The following ERC1 variants were observed in gnomAD, a reference collection of about 807,000 sequenced individuals.
ERC1 encodes the protein RAB6 interacting protein 2.
A neutral mutation model predicts 132.0 loss-of-function variants in ERC1; 56 were observed. That is an observed-to-expected ratio of 0.42 (90% CI 0.34 to 0.53). The LOEUF is 0.53. Among genes scored for constraint, ERC1 ranks in the 20% least tolerant of loss-of-function variants. ERC1 has a pLI of 0.03. For missense variants in ERC1, 1,202 were observed against 1,349.9 expected, an observed-to-expected ratio of 0.89 and a Z score of 1.72; for synonymous variants, 478 against 476.1, an observed-to-expected ratio of 1.00 and a Z score of -0.05.
chr12:1,418,502 C>G (rs1333937053), intron 17 of ERC1, among the ~76,000 whole-genome samples: 1 of 152,190 alleles, frequency 6.6e-6, no homozygotes, highest in Non-Finnish European at 1.5e-5. Context: ...GTCCTCAAAT[C>G]AATTTCTCCA....
chr12:1,103,648 A>G (rs1013977379), intron 3 of ERC1, among the ~76,000 whole-genome samples: 3 of 152,190 alleles, frequency 2.0e-5, no homozygotes, highest in African/African-American at 7.2e-5. Context: ...AAAGGAAGGC[A>G]TTAAGAAGAC....
At chr12:1,376,581 G>A (rs1303441775) in intron 16 of ERC1, among the ~76,000 whole-genome samples, 1 of 152,192 alleles carries the variant, frequency 6.6e-6, no homozygotes, top group African/African-American at 2.4e-5. Flanking sequence ...ATTATTTGGG[G>A]AAGCGCTTCA....
chr12:1,328,594 T>C (rs548386253), intron 15 of ERC1, among the ~76,000 whole-genome samples: 1 of 152,270 alleles, frequency 6.6e-6, no homozygotes, highest in South Asian at 2.1e-4. Flanking sequence ...GCCACGCCCA[T>C]GTGACCTCAC....
In ERC1 at chr12:1,127,396, T is replaced by G. The variant is rs79624060; in HGVS notation, c.1569+11363T>G. Among the ~76,000 whole-genome samples the G allele has an allele frequency of 3.1e-3, 475 of 152,266 alleles. 5 individuals carry two copies. The highest frequency in any genetic ancestry group is 0.011 in the African/African-American group (454 of 41,542). Reference sequence around the variant, plus strand: ...TAAAAGCAGCATAAGTGTTTATTACTAGGGGGTTGGATAAATAAAGTATTG... The same window carrying G: ...TAAAAGCAGCATAAGTGTTTATTACGAGGGGGTTGGATAAATAAAGTATTG... On this transcript the variant is annotated intron_variant, in intron 7 of 18. Transcript: ENST00000360905.
chr12:1,161,151 A>T (rs1951851229), intron 8 of ERC1, among the ~76,000 whole-genome samples: 2 of 151,994 alleles, frequency 1.3e-5, no homozygotes, highest in Admixed American at 1.3e-4. Context: ...AGACATATAG[A>T]TGTGGTCTCT....
chr12:1,485,684 T>G (rs1189535541), intron 18 of ERC1, among the ~76,000 whole-genome samples: 1 of 152,146 alleles, frequency 6.6e-6, no homozygotes, highest in East Asian at 1.9e-4. Flanking sequence ...TTGTGTTTAT[T>G]ATGTCTTTCA....
At chr12:1,027,633 G>T (rs113814088) in intron 1 of ERC1, 115 bp from the exon 2 acceptor site, 40 of 420,286 alleles carry the variant, frequency 9.5e-5, no homozygotes, top group African/African-American at 5.2e-4. Context: ...TTCTGAATGC[G>T]TGAGTACATA....
chr12:1,396,492 G>A (rs982240979), intron 16 of ERC1, among the ~76,000 whole-genome samples: 1 of 152,166 alleles, frequency 6.6e-6, no homozygotes. Flanking sequence ...AGACTCTGTC[G>A]CAGCCCTCAT....
intron 15 of ERC1, among the ~76,000 whole-genome samples, chr12:1,365,711 C>T (rs763715180): frequency 3.3e-5 from 5 of 152,076 alleles, no homozygotes; most frequent in Non-Finnish European, 7.4e-5. Context: ...AGAACATGAA[C>T]AATACTTGAA....
In ERC1 at chr12:1,342,215, A is replaced by C. The variant is rs546917347; in HGVS notation, c.2781-29618A>C. On this transcript the variant is annotated intron_variant, in intron 15 of 18. Coordinates refer to ENST00000360905, the MANE Select transcript of ERC1 (RefSeq NM_178040.4). ...TGCGGTGGCTCACGCCTGTAATCCC[A>C]GCACTTTGGGAGGCCGAGGCTGGTG... Among the ~76,000 whole-genome samples the C allele has an allele frequency of 1.1e-4, 16 of 152,292 alleles. No individual in the cohort carries two copies. The South Asian group carries it at 3.3e-3, about 32-fold the overall frequency.
At chr12:1,125,044 G>T (rs1352710495) in intron 7 of ERC1, among the ~76,000 whole-genome samples, 1 of 151,684 alleles carries the variant, frequency 6.6e-6, no homozygotes, top group African/African-American at 2.4e-5. Flanking sequence ...GCCTAGGCCG[G>T]AGTGCAGTGG....
chr12:1,328,651 T>G (rs1267188676), intron 15 of ERC1, among the ~76,000 whole-genome samples: 1 of 150,664 alleles, frequency 6.6e-6, no homozygotes, highest in Non-Finnish European at 1.5e-5. Context: ...CCTTTTTCCT[T>G]TCTCCCCCCT....
chr12:1,273,016 A>G (rs7968604), intron 14 of ERC1, among the ~76,000 whole-genome samples: 4,170 of 151,822 alleles, frequency 0.027, 58 homozygotes, highest in Middle Eastern at 0.065. Context: ...ATGCTATAAA[A>G]TCCAGTTCTA....
chr12:1,042,868 C>T (rs932669401), intron 2 of ERC1, among the ~76,000 whole-genome samples: 1 of 152,002 alleles, frequency 6.6e-6, no homozygotes, highest in Non-Finnish European at 1.5e-5. Flanking sequence ...ACTCCTCTTC[C>T]TGGGCATAGG....
At chr12:1,181,158 G>A (rs1482722891) in intron 9 of ERC1, among the ~76,000 whole-genome samples, 1 of 152,128 alleles carries the variant, frequency 6.6e-6, no homozygotes, top group Non-Finnish European at 1.5e-5. Flanking sequence ...TTGACAGAAA[G>A]TTTTGATGAT....
intron 13 of ERC1, among the ~76,000 whole-genome samples, chr12:1,242,011 AT>A (rs1001650410): frequency 6.6e-6 from 1 of 151,014 alleles, no homozygotes; most frequent in Non-Finnish European, 1.5e-5. Flanking sequence ...CACCTGGCTA[AT>A]TTTTTTGAAT....
intron 16 of ERC1, among the ~76,000 whole-genome samples, chr12:1,393,752 G>A (rs1054766882): frequency 6.6e-6 from 1 of 151,648 alleles, no homozygotes; most frequent in African/African-American, 2.4e-5. Context: ...GCATTGCCAG[G>A]CATGGTGGCT....
At chr12:1,189,017 T>C (rs1000390523) in intron 11 of ERC1, among the ~76,000 whole-genome samples, 8 of 152,308 alleles carry the variant, frequency 5.3e-5, no homozygotes, top group Admixed American at 2.0e-4. Flanking sequence ...TTTTGTAGGA[T>C]CCTGAATAAA....
At chr12:1,307,020 T>TG (rs2080933574) in intron 15 of ERC1, among the ~76,000 whole-genome samples, 1 of 152,162 alleles carries the variant, frequency 6.6e-6, no homozygotes, top group African/African-American at 2.4e-5. Flanking sequence ...CCGGAGCAAG[T>TG]GAGGCCCTAG....
Sources: gnomAD v4.1 joint callset for allele counts (sites outside exome capture counted in the v4.1 genomes callset) on GRCh38, gnomAD v4.1.1 for gene constraint, MANE v1.5 for transcripts, NCBI Gene and HGNC (gene_info 2026-07-23, HGNC 2026-07-21) for gene names.